SRPX: variants seen among roughly 807,000 people sequenced by gnomAD.
SRPX encodes the protein sushi repeat-containing protein SRPX.
Under a neutral mutation model 38.1 loss-of-function variants are expected in SRPX, and 24 were observed. The observed-to-expected ratio is 0.63, with a 90% CI of 0.46 to 0.89. SRPX has a LOEUF of 0.89. Among genes scored for constraint, SRPX ranks in the 40% least tolerant of loss-of-function variants. The pLI is 0.00. For synonymous variants in SRPX, 184 were observed against 153.8 expected (o/e 1.20, Z -1.45); for missense variants, 416 against 377.8 (o/e 1.10, Z -0.84).
At chrX:38,199,796 C>G (rs547057392) in intron 1 of SRPX, among the ~76,000 whole-genome samples, 2 of 110,047 alleles carry the variant, frequency 1.8e-5, no homozygotes, top group African/African-American at 3.3e-5. Context: ...TTTGGATGCT[C>G]TAATTGAAAG....
intron 1 of SRPX, among the ~76,000 whole-genome samples, chrX:38,185,567 C>A (rs775670132): frequency 5.4e-5 from 6 of 111,234 alleles, no homozygotes; most frequent in South Asian, 3.8e-4. Flanking sequence ...CCTTAAAGTA[C>A]CTTCAGTCTT....
intron 6 of SRPX, among the ~76,000 whole-genome samples, chrX:38,160,464 T>A (rs1938223850): frequency 8.9e-6 from 1 of 111,889 alleles, no homozygotes; most frequent in African/African-American, 3.3e-5. Context: ...GGAGTAAAGA[T>A]GGTTAGCAAT....
chrX:38,161,082 A>G, intron 5 of SRPX, 28 bp from the exon 6 acceptor site: 1 of 1,204,977 alleles, frequency 8.3e-7, no homozygotes, highest in Non-Finnish European at 1.1e-6. Flanking sequence ...AGAAACAGGA[A>G]AGATGACATT....
intron 1 of SRPX, among the ~76,000 whole-genome samples, chrX:38,182,808 G>A (rs1029985733): frequency 8.9e-6 from 1 of 111,856 alleles, no homozygotes; most frequent in Middle Eastern, 4.6e-3. Context: ...AAGGTAAGAT[G>A]TCACAGGACT....
intron 3 of SRPX, among the ~76,000 whole-genome samples, chrX:38,172,869 G>GA (rs1938500266): frequency 8.9e-6 from 1 of 112,860 alleles, no homozygotes; most frequent in Non-Finnish European, 1.9e-5. Context: ...TTTCTCTTGT[G>GA]AAAAGAGAAC....
intron 1 of SRPX, among the ~76,000 whole-genome samples, chrX:38,203,117 A>T (rs1012741216): frequency 5.3e-5 from 6 of 112,199 alleles, no homozygotes; most frequent in African/African-American, 1.9e-4. Context: ...AGCCTAGCTT[A>T]ATATTCAAAA....
At chrX:38,212,926 G>C (rs899278794) in intron 1 of SRPX, among the ~76,000 whole-genome samples, 7 of 111,724 alleles carry the variant, frequency 6.3e-5, no homozygotes, top group African/African-American at 2.3e-4. Flanking sequence ...ACCAAGCCCT[G>C]TGTCCACAGA....
rs150725874 is a variant in SRPX, at chrX:38,188,930, G to A, written c.98-10586C>T. Among the ~76,000 whole-genome samples, 460 of 111,738 alleles carry A rather than the reference G, an allele frequency of 4.1e-3. 7 individuals carry two copies. The East Asian group carries it at 0.062, about 15-fold the overall frequency. On this transcript the variant is annotated intron_variant, in intron 1 of 9. Coordinates refer to ENST00000378533, the MANE Select transcript of SRPX (RefSeq NM_006307.5). ...AAACCTACATTTGTTAAGTTAATTC[G>A]GTTTCCTCCCTCAGAATGAAGGAAT...
intron 1 of SRPX, among the ~76,000 whole-genome samples, chrX:38,202,107 G>A (rs1444350111): frequency 1.8e-5 from 2 of 112,155 alleles, no homozygotes; most frequent in African/African-American, 3.2e-5. Context: ...CAGCAGTGGC[G>A]ACTACAGCAA....
In SRPX at chrX:38,178,469, G is replaced by A. The variant is rs1341939563; in HGVS notation, c.98-125C>T. ...TTAGAATGCAGAGCCAAGAGCAAAA[G>A]CTTCTGTGGCCATTCATGAAGGAAC... On this transcript the variant is annotated intron_variant, in intron 1 of 9. Coordinates refer to ENST00000378533, the MANE Select transcript of SRPX (RefSeq NM_006307.5). The A allele has an allele frequency of 6.1e-6, 3 of 490,517 alleles. No individual in the cohort carries two copies. In the Admixed American group the frequency reaches 1.0e-4, roughly 17 times the overall value. 40.4% of individuals were successfully genotyped at this position (490,517 alleles called of 1,213,427 possible).
At chrX:38,216,345 C>T (rs1454198679) in intron 1 of SRPX, among the ~76,000 whole-genome samples, 1 of 113,026 alleles carries the variant, frequency 8.8e-6, no homozygotes, top group Non-Finnish European at 1.9e-5. Flanking sequence ...CCTTCTTCAT[C>T]GTGGTCTCCC....
At chrX:38,186,448 G>A (rs1347389191) in intron 1 of SRPX, among the ~76,000 whole-genome samples, 1 of 111,766 alleles carries the variant, frequency 8.9e-6, no homozygotes, top group African/African-American at 3.3e-5. Context: ...ATAATAAACA[G>A]TATTTGTTTT....
intron 1 of SRPX, among the ~76,000 whole-genome samples, chrX:38,208,847 TC>T (rs1456125726): frequency 2.0e-5 from 2 of 101,491 alleles, no homozygotes; most frequent in Admixed American, 1.1e-4. Flanking sequence ...CTGACTAATT[TC>T]TTTTTTTTTT....
At chrX:38,168,775 T>A (rs1197298069) in intron 4 of SRPX, among the ~76,000 whole-genome samples, 1 of 112,009 alleles carries the variant, frequency 8.9e-6, no homozygotes, top group East Asian at 2.8e-4. Context: ...TGGTTTCCTC[T>A]GTTTGGCACC....
At chrX:38,167,882 T>A (rs1490873680) in intron 4 of SRPX, among the ~76,000 whole-genome samples, 3 of 111,717 alleles carry the variant, frequency 2.7e-5, no homozygotes, top group Non-Finnish European at 5.6e-5. Flanking sequence ...CACCTCAGCC[T>A]CCCAAGTAGC....
chrX:38,193,672 G>A (rs778160496), intron 1 of SRPX, among the ~76,000 whole-genome samples: 1 of 112,197 alleles, frequency 8.9e-6, no homozygotes, highest in Non-Finnish European at 1.9e-5. Context: ...CATCTCCACT[G>A]AGAATTTTCT....
chrX:38,155,961 C>T (rs1035292336), intron 8 of SRPX, among the ~76,000 whole-genome samples: 3 of 111,874 alleles, frequency 2.7e-5, no homozygotes, highest in African/African-American at 6.5e-5. Flanking sequence ...TCTTCAAGTA[C>T]GTGGGAAGAG....
intron 2 of SRPX, among the ~76,000 whole-genome samples, chrX:38,175,746 T>C (rs1236480636): frequency 9.0e-6 from 1 of 111,616 alleles, no homozygotes; most frequent in Non-Finnish European, 1.9e-5. Flanking sequence ...AACTCAAGAC[T>C]CAAGTAATCT....
At chrX:38,154,201 C>CCA (rs1398067812) in intron 9 of SRPX, among the ~76,000 whole-genome samples, 1 of 93,689 alleles carries the variant, frequency 1.1e-5, no homozygotes, top group Admixed American at 1.2e-4. Flanking sequence ...CCTCCACCAA[C>CCA]CACACACACA....
Sources: gnomAD v4.1 joint callset for allele counts (sites outside exome capture counted in the v4.1 genomes callset) on GRCh38, gnomAD v4.1.1 for gene constraint, MANE v1.5 for transcripts, NCBI Gene and HGNC (gene_info 2026-07-23, HGNC 2026-07-21) for gene names.